THSD7B: variants seen among roughly 807,000 people sequenced by gnomAD.
The protein encoded by THSD7B is thrombospondin type 1 domain containing 7B.
In THSD7B, 138 loss-of-function variants were observed where a neutral mutation model predicts 213.6. The observed-to-expected ratio is 0.65, with a 90% CI of 0.56 to 0.74. The LOEUF (loss-of-function observed/expected upper bound fraction) is 0.74, where lower values mean the gene tolerates loss of function less well. THSD7B is among the 30% of genes least tolerant of loss of function. The pLI, the probability that THSD7B is intolerant of heterozygous loss-of-function variation, is 0.00. For synonymous variants in THSD7B, 742 were observed against 687.0 expected (o/e 1.08, Z -1.25); for missense variants, 1,931 against 1,991.5 (o/e 0.97, Z 0.58).
At chr2:137,233,381 C>T (rs1411817097) in intron 9 of THSD7B, among the ~76,000 whole-genome samples, 1 of 152,116 alleles carries the variant, frequency 6.6e-6, no homozygotes, top group Non-Finnish European at 1.5e-5. Flanking sequence ...TGAATAGTGT[C>T]CACAAACATT....
chr2:137,339,118 T>C (rs1684703817), intron 12 of THSD7B, among the ~76,000 whole-genome samples: 1 of 151,488 alleles, frequency 6.6e-6, no homozygotes, highest in Non-Finnish European at 1.5e-5. Context: ...TGAATAAATA[T>C]CTTTTGAAGA....
At chr2:136,833,363 CAAAAAA>C (rs10639590) in intron 1 of THSD7B, among the ~76,000 whole-genome samples, 1,694 of 55,356 alleles carry the variant, frequency 0.031, 41 homozygotes, top group African/African-American at 0.11. Context: ...GACTCCGTCT[CAAAAAA>C]AAAAAAAAAA....
At chr2:136,779,560 G>A (rs1296713103) in intron 1 of THSD7B, among the ~76,000 whole-genome samples, 1 of 152,068 alleles carries the variant, frequency 6.6e-6, no homozygotes, top group Admixed American at 6.5e-5. Context: ...TTTCTTAAAT[G>A]AATCATATTA....
chr2:137,538,004 G>C (rs1243747232), intron 15 of THSD7B, among the ~76,000 whole-genome samples: 1 of 151,654 alleles, frequency 6.6e-6, no homozygotes, highest in African/African-American at 2.4e-5. Context: ...GAAGAAGAGG[G>C]GACCAGTAGG....
chr2:137,504,866 G>C (rs756894609), intron 15 of THSD7B, among the ~76,000 whole-genome samples: 1 of 152,168 alleles, frequency 6.6e-6, no homozygotes, highest in East Asian at 1.9e-4. Flanking sequence ...CAAGATTAAA[G>C]GCAATGTATT....
chr2:137,157,743 T>C (rs1197585625), intron 5 of THSD7B, among the ~76,000 whole-genome samples: 2 of 152,318 alleles, frequency 1.3e-5, no homozygotes, highest in African/African-American at 2.4e-5. Context: ...AGTTTCCTTA[T>C]TTTAAAACTA....
intron 2 of THSD7B, among the ~76,000 whole-genome samples, chr2:136,996,797 A>G (rs1685899630): frequency 6.6e-6 from 1 of 152,228 alleles, no homozygotes; most frequent in Non-Finnish European, 1.5e-5. Flanking sequence ...GCAAATGCAT[A>G]GAAGTATAAA....
intron 7 of THSD7B, among the ~76,000 whole-genome samples, chr2:137,224,869 A>G (rs1681460110): frequency 6.6e-6 from 1 of 152,164 alleles, no homozygotes; most frequent in African/African-American, 2.4e-5. Flanking sequence ...CACTTGCCAC[A>G]TGGATGCAAT....
At chr2:136,898,705 T>C (rs552279909) in intron 2 of THSD7B, among the ~76,000 whole-genome samples, 1 of 150,072 alleles carries the variant, frequency 6.7e-6, no homozygotes, top group East Asian at 2.0e-4. Flanking sequence ...TGCAGTGGCA[T>C]GATCTCGGCT....
chr2:137,006,186 G>A (rs187850896), intron 2 of THSD7B, among the ~76,000 whole-genome samples: 23 of 152,230 alleles, frequency 1.5e-4, no homozygotes, highest in East Asian at 1.9e-4. Flanking sequence ...GAGGTCAGGA[G>A]ATTGAGACCA....
chr2:136,958,344 G>A (rs1685160132), intron 2 of THSD7B, among the ~76,000 whole-genome samples: 1 of 152,156 alleles, frequency 6.6e-6, no homozygotes, highest in African/African-American at 2.4e-5. Context: ...ATAACTTAGT[G>A]GTTTTAGTTG....
intron 4 of THSD7B, among the ~76,000 whole-genome samples, chr2:137,098,394 GC>G (rs1398849545): frequency 6.6e-6 from 1 of 152,052 alleles, no homozygotes; most frequent in African/African-American, 2.4e-5. Flanking sequence ...CTTCCCTCAT[GC>G]CCTGGAACCT....
chr2:137,231,201 C>T lies in THSD7B; in HGVS notation c.1881C>T (p.Thr627=), dbSNP rs376946769. Residue 627 remains threonine (T), a synonymous_variant, in exon 8 of 28, where the codon ACC becomes ACT. Transcript: ENST00000409968. ...ATAAAAACTCAGATGGGAAACAGAC[C>T]AGGTCAAGAACTATCCTGGCACTGG... The part of the protein sequence containing the change: ...CSNKNSDGKQ[T]RSRTILALAG... The T allele has an allele frequency of 4.3e-6, 7 of 1,612,632 alleles. No homozygotes were observed. Among genetic ancestry groups the T allele is most frequent in the East Asian group, 2.2e-5 (1 of 44,852 alleles).
intron 3 of THSD7B, among the ~76,000 whole-genome samples, chr2:137,087,444 A>C (rs746616215): frequency 1.3e-5 from 2 of 152,206 alleles, no homozygotes; most frequent in Non-Finnish European, 2.9e-5. Flanking sequence ...TTATAAAATA[A>C]TTCAGCAAAG....
Position 137,103,707 on chromosome 2 carries a change from G to GA in THSD7B, c.1199+8596dup, listed in dbSNP as rs1186457725. 9.4e-3 allele frequency among the ~76,000 whole-genome samples: 1,332 copies of GA among 141,928 alleles called. 24 individuals carry two copies. The highest frequency in any genetic ancestry group is 0.031 in the African/African-American group (1,186 of 38,874). The allele number at this position is 141,928 out of a possible 152,430, so 93.1% of individuals were successfully genotyped here. A position where few individuals can be genotyped will look rare whatever the true frequency, so the allele number is the denominator to read the frequency against. ...GGAATATTTACCAAGCAAATAGAAA[G>GA]AAAAAAAAAAGAAGCAGGGGTTTCA... On this transcript the variant is annotated intron_variant, in intron 4 of 27. Transcript: ENST00000409968.
chr2:136,974,566 A>G (rs6744500), intron 2 of THSD7B, among the ~76,000 whole-genome samples: 74,676 of 152,026 alleles, frequency 0.49, 19,254 homozygotes, highest in East Asian at 0.81. Flanking sequence ...TCCATTGTGT[A>G]TATGTACCAC....
intron 2 of THSD7B, among the ~76,000 whole-genome samples, chr2:136,993,322 A>G (rs538544152): frequency 1.3e-5 from 2 of 152,354 alleles, no homozygotes; most frequent in South Asian, 4.1e-4. Flanking sequence ...TCCTCCTGGA[A>G]TCTAAAATCA....
At chr2:137,393,948 A>G (rs1265014635) in intron 12 of THSD7B, among the ~76,000 whole-genome samples, 1 of 138,654 alleles carries the variant, frequency 7.2e-6, no homozygotes, top group Non-Finnish European at 1.6e-5. Flanking sequence ...TTTTGGCTGC[A>G]TAAATGTCTT....
intron 2 of THSD7B, among the ~76,000 whole-genome samples, chr2:136,903,704 C>T (rs1684100079): frequency 6.6e-6 from 1 of 152,158 alleles, no homozygotes; most frequent in Non-Finnish European, 1.5e-5. Context: ...GCCTCTAGCT[C>T]ATTATCACAG....
Sources: allele counts gnomAD v4.1 joint callset (sites outside exome capture counted in the v4.1 genomes callset), GRCh38; gene constraint gnomAD v4.1.1; transcripts MANE v1.5; gene names NCBI Gene and HGNC (gene_info 2026-07-23, HGNC 2026-07-21).